METTL2A: variants seen among roughly 807,000 people sequenced by gnomAD.
The protein encoded by METTL2A is methyltransferase 2A, tRNA N3-cytidine.
A neutral mutation model predicts 49.4 loss-of-function variants in METTL2A; 45 were observed. The observed-to-expected ratio is 0.91, with a 90% CI of 0.72 to 1.17. The LOEUF is 1.17. Among genes scored for constraint, METTL2A ranks in the 50% most tolerant of loss-of-function variants. METTL2A has a pLI of 0.00. For synonymous variants in METTL2A, 118 were observed against 167.5 expected (o/e 0.70, Z 2.28); for missense variants, 361 against 462.2 (o/e 0.78, Z 2.01).
intron 6 of METTL2A, among the ~76,000 whole-genome samples, chr17:62,442,615 G>A (rs2070744972): frequency 6.6e-6 from 1 of 152,132 alleles, no homozygotes; most frequent in African/African-American, 2.4e-5. Flanking sequence ...GTCAGATGGT[G>A]GCTCAGAGAT....
chr17:62,438,553 G>A lies in METTL2A; in HGVS notation c.670-2064G>A, dbSNP rs2070716596. ...GCCGAGATCGCACCACTCCAGCCTG[G>A]GCAACAGAACAAGACTCTGTTTCAA... is the stretch of plus-strand genomic sequence containing the variant. On this transcript the variant is annotated intron_variant, in intron 5 of 8. Transcript: ENST00000311506. Among the ~76,000 whole-genome samples the A allele has an allele frequency of 4.0e-5, 6 of 150,054 alleles. No homozygotes were observed. In the South Asian group the frequency reaches 1.3e-3, roughly 32 times the overall value.
chr17:62,441,065 C>T (rs2070736020), intron 6 of METTL2A, among the ~76,000 whole-genome samples: 1 of 152,206 alleles, frequency 6.6e-6, no homozygotes, highest in Non-Finnish European at 1.5e-5. Context: ...CTTGGCCTCC[C>T]AAAGTGCTGG....
chr17:62,447,590 G>A lies in METTL2A; in HGVS notation c.917-111G>A, dbSNP rs1284125813. 3.5e-6 allele frequency: 4 copies of A among 1,144,814 alleles called. No individual in the cohort carries two copies. The East Asian group carries it at 9.4e-5, about 27-fold the overall frequency. 70.9% of individuals were successfully genotyped at this position (1,144,814 alleles called of 1,614,324 possible). A position where few individuals can be genotyped will look rare whatever the true frequency, so the allele number is the denominator to read the frequency against. ...TGAGCTGCTCTTCCCGAAGCACTGA[G>A]GCAGGAGTGCTCTCCACCCAACAAA... On this transcript the variant is annotated intron_variant, in intron 7 of 8. Transcript: ENST00000311506.
At position 62,446,280 on chromosome 17, in the gene METTL2A, G is replaced by A. The variant is rs1418115735; in HGVS notation, c.916+1337G>A. On this transcript the variant is annotated intron_variant, in intron 7 of 8. Transcript: ENST00000311506. ...CCGCCTTGGCCTCCCAAAATGCTGGGATTACAGGTGTGAGCCACTGTGCCC... is the reference window on the plus strand; with the variant it reads ...CCGCCTTGGCCTCCCAAAATGCTGGAATTACAGGTGTGAGCCACTGTGCCC... 2.0e-5 allele frequency among the ~76,000 whole-genome samples: 3 copies of A among 151,692 alleles called. No homozygotes were observed. In the East Asian group the frequency reaches 5.8e-4, roughly 29 times the overall value.
At chr17:62,436,950 A>T (rs767648206) in intron 5 of METTL2A, among the ~76,000 whole-genome samples, 1 of 152,112 alleles carries the variant, frequency 6.6e-6, no homozygotes, top group Non-Finnish European at 1.5e-5. Context: ...TTTCTAAACA[A>T]TGTTCATAGC....
Position 62,423,908 on chromosome 17 carries a change from C to T in METTL2A, c.6C>T (p.Ala2=), listed in dbSNP as rs760629093. The T allele has an allele frequency of 8.1e-6, 13 of 1,612,736 alleles. No individual in the cohort carries two copies. In the South Asian group the frequency reaches 8.8e-5, roughly 11 times the overall value. Residue 2 remains alanine (A), a synonymous_variant, in exon 1 of 9, where the codon GCC becomes GCT. Coordinates refer to ENST00000311506, the MANE Select transcript of METTL2A (RefSeq NM_181725.4). M[A]GSYPEGAPAV... is the part of the protein sequence containing the mutation. Reference sequence around the variant, plus strand: ...GTGTTTCCGGCTCCGGTGTCATGGCCGGCTCCTACCCTGAAGGTGCACCTG... The same window carrying T: ...GTGTTTCCGGCTCCGGTGTCATGGCTGGCTCCTACCCTGAAGGTGCACCTG...
rs1164770518 is a variant in METTL2A, at chr17:62,453,273, A to G, written c.*4544A>G. Among the ~76,000 whole-genome samples, 1 of 152,200 alleles carries G rather than the reference A, an allele frequency of 6.6e-6. No individual in the cohort carries two copies. The highest frequency in any genetic ancestry group is 2.4e-5 in the African/African-American group (1 of 41,452). On this transcript the variant is annotated 3_prime_UTR_variant, in exon 9 of 9. Transcript: ENST00000311506. ...TTTGACTCTGCAAGGGACTTTGCAT[A>G]ACGTTTCATCCTCAGAATCGCTAAT...
chr17:62,424,893 A>C (rs1169446915), intron 2 of METTL2A, among the ~76,000 whole-genome samples: 1 of 151,622 alleles, frequency 6.6e-6, no homozygotes, highest in African/African-American at 2.4e-5. Flanking sequence ...TAGATAGTAA[A>C]ACTAGGACTG....
At chr17:62,426,962 A>G (rs111409938) in intron 3 of METTL2A, among the ~76,000 whole-genome samples, 5,114 of 152,262 alleles carry the variant, frequency 0.034, 295 homozygotes, top group African/African-American at 0.11. Flanking sequence ...GGAGCTCAAC[A>G]TGATCATGCT....
chr17:62,440,468 A>C, intron 5 of METTL2A, 149 bp from the exon 6 acceptor site: 1 of 1,115,776 alleles, frequency 9.0e-7, no homozygotes, highest in Non-Finnish European at 1.2e-6. Context: ...CAACATGGGG[A>C]GATTTTGCCT....
At chr17:62,448,333 C>T (rs1450531161) in intron 8 of METTL2A, among the ~76,000 whole-genome samples, 1 of 151,992 alleles carries the variant, frequency 6.6e-6, no homozygotes, top group African/African-American at 2.4e-5. Context: ...GTTCATAGAG[C>T]CTAAAGGCCA....
Position 62,448,781 on chromosome 17 carries a change from T to G in METTL2A, c.*52T>G. 6.6e-7 allele frequency: 1 copy of G among 1,517,528 alleles called. No individual in the cohort carries two copies. Among genetic ancestry groups the G allele is most frequent in the Non-Finnish European group, 8.9e-7 (1 of 1,119,178 alleles). The allele number at this position is 1,517,528 out of a possible 1,614,324, so 94.0% of individuals were successfully genotyped here. A position where few individuals can be genotyped will look rare whatever the true frequency, so the allele number is the denominator to read the frequency against. ...AGCCCATTGTGTTTCCGGGCTTTTTTAAAAAAAAAATTGTAGCACTGGGCG... is the reference window on the plus strand; with the variant it reads ...AGCCCATTGTGTTTCCGGGCTTTTTGAAAAAAAAAATTGTAGCACTGGGCG... On this transcript the variant is annotated 3_prime_UTR_variant, in exon 9 of 9. Coordinates refer to ENST00000311506, the MANE Select transcript of METTL2A (RefSeq NM_181725.4).
chr17:62,445,122 A>T (rs2070760559), intron 7 of METTL2A, among the ~76,000 whole-genome samples, 179 bp downstream of exon 7: 1 of 149,876 alleles, frequency 6.7e-6, no homozygotes, highest in Admixed American at 6.7e-5. Context: ...GGCGGGGGGC[A>T]TCACACACTG....
At position 62,452,915 on chromosome 17, in the gene METTL2A, T is replaced by G. The variant is rs2070813157; in HGVS notation, c.*4186T>G. Among the ~76,000 whole-genome samples the G allele has an allele frequency of 6.6e-6, 1 of 152,208 alleles. No homozygotes were observed. ...TGCGACTGGCCCCACTTAATGGGTT[T>G]TCAGAGGTGGGAGCAAAGAATGAAG... On this transcript the variant is annotated 3_prime_UTR_variant, in exon 9 of 9. Transcript: ENST00000311506.
intron 3 of METTL2A, among the ~76,000 whole-genome samples, chr17:62,427,263 G>C (rs1488891477): frequency 6.6e-6 from 1 of 152,188 alleles, no homozygotes; most frequent in African/African-American, 2.4e-5. Flanking sequence ...TACCCTCTCT[G>C]AGCAGTGAGA....
intron 5 of METTL2A, among the ~76,000 whole-genome samples, chr17:62,440,277 G>A (rs1287342314): frequency 2.0e-5 from 3 of 151,982 alleles, no homozygotes; most frequent in Non-Finnish European, 4.4e-5. Flanking sequence ...CTCCCGCCTT[G>A]GCCTCCCAAA....
chr17:62,446,029 G>C (rs907617871), intron 7 of METTL2A, among the ~76,000 whole-genome samples: 4 of 152,232 alleles, frequency 2.6e-5, no homozygotes, highest in African/African-American at 7.2e-5. Flanking sequence ...GTTCACAGAA[G>C]AACATATCTA....
chr17:62,435,352 C>A, intron 5 of METTL2A, 60 bp downstream of exon 5: 1 of 1,609,478 alleles, frequency 6.2e-7, no homozygotes, highest in Non-Finnish European at 8.5e-7. Flanking sequence ...AAAAGGTTCT[C>A]CTAAAAATCA....
In METTL2A at chr17:62,425,389, CT is replaced by C. The variant is rs746253160; in HGVS notation, c.203-895del. Among the ~76,000 whole-genome samples, 158 of 78,210 alleles carry C rather than the reference CT, an allele frequency of 2.0e-3. 9 individuals are homozygous for C. The highest frequency in any genetic ancestry group is 6.9e-3 in the African/African-American group (132 of 19,210). 51.3% of individuals were successfully genotyped at this position (78,210 alleles called of 152,430 possible). ...ACAGCCTTCATTTAAACTGTCCATA[CT>C]TTTTTTTTTTTTTTGGAGATGGAGT... On this transcript the variant is annotated intron_variant, in intron 2 of 8. Coordinates refer to ENST00000311506, the MANE Select transcript of METTL2A (RefSeq NM_181725.4).
Sources: gnomAD v4.1 joint callset for allele counts (sites outside exome capture counted in the v4.1 genomes callset) on GRCh38, gnomAD v4.1.1 for gene constraint, MANE v1.5 for transcripts, NCBI Gene and HGNC (gene_info 2026-07-23, HGNC 2026-07-21) for gene names.